Variants in QRICH1 observed in about 807,000 individuals in gnomAD.
QRICH1 encodes transcriptional regulator QRICH1.
Under a neutral mutation model 87.1 loss-of-function variants are expected in QRICH1, and 16 were observed. The ratio of observed to expected loss-of-function variants is 0.18; its 90% CI spans 0.12 to 0.28. The LOEUF (loss-of-function observed/expected upper bound fraction) is 0.28. Among genes scored for constraint, QRICH1 ranks in the 10% least tolerant of loss-of-function variants. The pLI is 1.00. For missense variants in QRICH1, 647 were observed against 951.7 expected (o/e 0.68, Z 4.21); for synonymous variants, 367 against 368.4 (o/e 1.00, Z 0.05).
intron 3 of QRICH1, among the ~76,000 whole-genome samples, chr3:49,048,289 C>T (rs566234626): frequency 1.1e-4 from 17 of 151,710 alleles, no homozygotes; most frequent in South Asian, 1.0e-3. Context: ...TGTGCCACCA[C>T]GCCCGGCTAA....
intron 6 of QRICH1, among the ~76,000 whole-genome samples, chr3:49,041,653 C>T (rs2093310616): frequency 1.3e-5 from 2 of 150,926 alleles, no homozygotes; most frequent in African/African-American, 2.4e-5. Context: ...TTTTCTGAGA[C>T]GGAGTCTCAC....
Position 49,044,517 on chromosome 3 carries a change from C to T in QRICH1, c.1672-13G>A. On this transcript the variant is annotated splice_polypyrimidine_tract_variant and intron_variant, in intron 5 of 9. Coordinates refer to ENST00000395443, the MANE Select transcript of QRICH1 (RefSeq NM_198880.3). The stretch of plus-strand genomic sequence containing the variant: ...TTTCAAAAAGATACTAAAAGAAAAA[C>T]AATTAATAGAAGTTATTGGTAGTCT... 6.4e-7 allele frequency: 1 copy of T among 1,551,332 alleles called. No individual in the cohort carries two copies. The highest frequency in any genetic ancestry group is 8.9e-7 in the Non-Finnish European group (1 of 1,125,908).
At chr3:49,084,327 C>T (rs2042127506) in intron 1 of QRICH1, among the ~76,000 whole-genome samples, 1 of 151,722 alleles carries the variant, frequency 6.6e-6, no homozygotes, top group African/African-American at 2.4e-5. Context: ...ACGATCCTGG[C>T]TCACTGAAAC....
At chr3:49,037,604 C>T (rs1432092589) in intron 6 of QRICH1, among the ~76,000 whole-genome samples, 1 of 151,952 alleles carries the variant, frequency 6.6e-6, no homozygotes, top group Non-Finnish European at 1.5e-5. Flanking sequence ...TGGTGGCAGG[C>T]GCCTGTAGTC....
chr3:49,081,195 T>C (rs1447703280), intron 1 of QRICH1, among the ~76,000 whole-genome samples: 1 of 151,974 alleles, frequency 6.6e-6, no homozygotes. Context: ...GCTGGGTGGA[T>C]CGCCTGAGGG....
chr3:49,070,780 G>C (rs889946500), intron 2 of QRICH1, among the ~76,000 whole-genome samples: 22 of 152,238 alleles, frequency 1.4e-4, no homozygotes, highest in Non-Finnish European at 2.2e-4. Context: ...TAGTCACTTA[G>C]GGAAAACATA....
At chr3:49,070,391 GTGGTTTTTAAA>G (rs950182435) in intron 2 of QRICH1, among the ~76,000 whole-genome samples, 1 of 151,898 alleles carries the variant, frequency 6.6e-6, no homozygotes, top group Non-Finnish European at 1.5e-5. Context: ...CTTAGATTTA[GTGGTTTTTAAA>G]TGGTATTCAT....
At chr3:49,045,888 C>T (rs1384110339) in intron 5 of QRICH1, among the ~76,000 whole-genome samples, 1 of 151,794 alleles carries the variant, frequency 6.6e-6, no homozygotes, top group Admixed American at 6.6e-5. Flanking sequence ...GACATCTTGC[C>T]TGGCTCTTAT....
chr3:49,047,763 G>A lies in QRICH1; in HGVS notation c.1339-517C>T, dbSNP rs536910178. Among the ~76,000 whole-genome samples the A allele has an allele frequency of 7.2e-5, 11 of 151,814 alleles. No individual in the cohort carries two copies. The South Asian group carries it at 1.0e-3, about 14-fold the overall frequency. ...CTCCCAAAGTGCTGGGATTACAGGC[G>A]TGAACCACTGTGCCCGGTCAAATCT... On this transcript the variant is annotated intron_variant, in intron 3 of 9. Transcript: ENST00000395443.
At chr3:49,093,333 G>A (rs992260083) in intron 1 of QRICH1, 1 of 152,184 alleles carries the variant, frequency 6.6e-6, no homozygotes, top group African/African-American at 2.4e-5. Flanking sequence ...CCGCAAGCCA[G>A]ACAGCAAAGC....
At chr3:49,055,318 T>C (rs1416490896) in intron 3 of QRICH1, among the ~76,000 whole-genome samples, 2 of 152,138 alleles carry the variant, frequency 1.3e-5, no homozygotes, top group South Asian at 4.1e-4. Flanking sequence ...CACCGAGGCA[T>C]AGCACCTTCA....
intron 5 of QRICH1, 63 bp downstream of exon 5, chr3:49,046,362 A>G (rs1446923478): frequency 6.7e-7 from 1 of 1,498,242 alleles, no homozygotes; most frequent in Non-Finnish European, 9.0e-7. Flanking sequence ...TTTATTAACT[A>G]AACTAGCAAA....
intron 2 of QRICH1, among the ~76,000 whole-genome samples, chr3:49,074,957 C>A (rs1433659752): frequency 6.6e-6 from 1 of 151,420 alleles, no homozygotes; most frequent in Non-Finnish European, 1.5e-5. Context: ...CCAGCCTGGG[C>A]AACAGAGCGA....
At chr3:49,076,349 C>A (rs578079552) in intron 2 of QRICH1, among the ~76,000 whole-genome samples, 1 of 152,286 alleles carries the variant, frequency 6.6e-6, no homozygotes, top group African/African-American at 2.4e-5. Context: ...GCCCCTCATC[C>A]TGGGAAAAGG....
rs58022360 is a variant in QRICH1 at position 49,087,818 on chromosome 3, C to CAAAAAAAAAAAAAAAAAAAAA, written c.-22+6073_-22+6093dup. On this transcript the variant is annotated intron_variant, in intron 1 of 9. Coordinates refer to ENST00000395443, the MANE Select transcript of QRICH1 (RefSeq NM_198880.3). ...GAACTCAGGAGGCGGAGGTTCATCT[C>CAAAAAAAAAAAAAAAAAAAAA]AAAAAAAAAAAAAAAAAAAAAGAAC... Among the ~76,000 whole-genome samples the CAAAAAAAAAAAAAAAAAAAAA allele has an allele frequency of 7.6e-4, 36 of 47,676 alleles. 4 individuals carry two copies. The highest frequency in any genetic ancestry group is 1.6e-3 in the Admixed American group (4 of 2,454). 31.3% of individuals were successfully genotyped at this position (47,676 alleles called of 152,430 possible). A position where few individuals can be genotyped will look rare whatever the true frequency, so the allele number is the denominator to read the frequency against.
At chr3:49,093,693 C>T in intron 1 of QRICH1, 1 of 231,420 alleles carries the variant, frequency 4.3e-6, no homozygotes, top group Non-Finnish European at 8.4e-6. Context: ...CACCGGCGCG[C>T]CATCTCGCGC....
In QRICH1 at chr3:49,074,497, G is replaced by A. The variant is rs373600826; in HGVS notation, c.309+2212C>T. Among the ~76,000 whole-genome samples the A allele has an allele frequency of 1.4e-4, 22 of 151,938 alleles. No individual in the cohort carries two copies. The East Asian group carries it at 2.5e-3, about 17-fold the overall frequency. ...TGAGGCAGGAGAATGGCGTGAACCCGGGAGGCGGAGCTTGCAGAGAGCCAA... is the reference window on the plus strand; with the variant it reads ...TGAGGCAGGAGAATGGCGTGAACCCAGGAGGCGGAGCTTGCAGAGAGCCAA... On this transcript the variant is annotated intron_variant, in intron 2 of 9. Transcript: ENST00000395443.
At chr3:49,058,038 A>G (rs2093413443) in intron 2 of QRICH1, 148 bp from the exon 3 acceptor site, 1 of 1,354,544 alleles carries the variant, frequency 7.4e-7, no homozygotes, top group Admixed American at 2.1e-5. Flanking sequence ...AGGACACAAT[A>G]CGTAAGACTA....
chr3:49,044,328 A>C, intron 6 of QRICH1, 62 bp downstream of exon 6: 1 of 1,295,838 alleles, frequency 7.7e-7, no homozygotes, highest in Non-Finnish European at 1.1e-6. Context: ...CCAACCACAG[A>C]AGCTATTGAT....
Sources: gnomAD v4.1 joint callset for allele counts (sites outside exome capture counted in the v4.1 genomes callset) on GRCh38, gnomAD v4.1.1 for gene constraint, MANE v1.5 for transcripts, NCBI Gene and HGNC (gene_info 2026-07-23, HGNC 2026-07-21) for gene names.